Variants in GOLGA8B observed in about 807,000 individuals in gnomAD.
GOLGA8B encodes the protein golgin A8 family member B, also known as golgin subfamily A member 8B.
Under a neutral mutation model 15.6 loss-of-function variants are expected in GOLGA8B, and 1 was observed. The observed-to-expected ratio is 0.06, with a 90% CI of 0.02 to 0.30. GOLGA8B has a LOEUF of 0.30. Among genes scored for constraint, GOLGA8B ranks in the 10% least tolerant of loss-of-function variants. The probability of loss-of-function intolerance (pLI) is 1.00; values close to 1 mark genes in which losing one functional copy is unlikely to be tolerated. For synonymous variants in GOLGA8B, 9 were observed against 80.3 expected, an observed-to-expected ratio of 0.11 and a Z score of 4.75; for missense variants, 17 against 201.3, an observed-to-expected ratio of 0.08 and a Z score of 5.54.
At chr15:34,579,347 AC>A (rs1168804724) in intron 1 of GOLGA8B, among the ~76,000 whole-genome samples, 3 of 152,098 alleles carry the variant, frequency 2.0e-5, no homozygotes, top group Non-Finnish European at 4.4e-5. Context: ...ACAGAGTCTG[AC>A]ATTAGGTACA....
Position 34,531,957 on chromosome 15 carries a change from TTAC to T in GOLGA8B, c.324+1_324+3del. 2.5e-6 allele frequency: 1 copy of T among 398,744 alleles called. No homozygotes were observed. Among genetic ancestry groups the T allele is most frequent in the Non-Finnish European group, 4.6e-6 (1 of 216,552 alleles). The allele number at this position is 398,744 out of a possible 1,614,324, so 24.7% of individuals were successfully genotyped here. A position where few individuals can be genotyped will look rare whatever the true frequency, so the allele number is the denominator to read the frequency against. ...GTCGCCAGCAAACAAAGAAATCACG[TTAC>T]TTCTTCCAGCTGATGTTCCACTTGT... On this transcript the variant is annotated splice_donor_variant and splice_donor_region_variant and intron_variant, in intron 12 of 23. Coordinates refer to ENST00000683415, the MANE Select transcript of GOLGA8B (RefSeq NM_001023567.5). LOFTEE classifies it high-confidence loss of function.
intron 7 of GOLGA8B, among the ~76,000 whole-genome samples, chr15:34,543,261 C>T (rs1888240946): frequency 2.2e-5 from 3 of 137,718 alleles, no homozygotes; most frequent in South Asian, 4.9e-4. Context: ...GCAGCCCTGG[C>T]CTCCTGGGCT....
At chr15:34,576,899 CACTG>C (rs1363048980) in intron 1 of GOLGA8B, among the ~76,000 whole-genome samples, 4 of 152,194 alleles carry the variant, frequency 2.6e-5, no homozygotes, top group African/African-American at 9.7e-5. Context: ...CTGGTGACTG[CACTG>C]ACTGACTGCT....
chr15:34,572,197 T>C (rs866413911), intron 1 of GOLGA8B, among the ~76,000 whole-genome samples: 3 of 152,206 alleles, frequency 2.0e-5, no homozygotes, highest in African/African-American at 4.8e-5. Context: ...GGGACACCGC[T>C]GCCCCACACA....
At position 34,557,678 on chromosome 15, in the gene GOLGA8B, G is replaced by C. The variant is rs1239049389; in HGVS notation, c.-1122-3722C>G. ...TGTGTGTGTGTGTGTGTGTGTGTGT[G>C]TGTGTCTGTGTACTGAGAGCTTGGG... On this transcript the variant is annotated intron_variant, in intron 1 of 23. Coordinates refer to ENST00000683415, the MANE Select transcript of GOLGA8B (RefSeq NM_001023567.5). Among the ~76,000 whole-genome samples the C allele has an allele frequency of 4.6e-5, 5 of 108,302 alleles. No homozygotes were observed. In the East Asian group the frequency reaches 9.3e-4, roughly 20 times the overall value. 71.1% of individuals were successfully genotyped at this position (108,302 alleles called of 152,430 possible).
chr15:34,583,114 C>G (rs116271799), intron 1 of GOLGA8B, among the ~76,000 whole-genome samples: 4 of 152,188 alleles, frequency 2.6e-5, no homozygotes, highest in Non-Finnish European at 4.4e-5. Flanking sequence ...GACTTGATGC[C>G]GGCGTCAAGC....
At chr15:34,554,409 T>C (rs1237257248) in intron 1 of GOLGA8B, among the ~76,000 whole-genome samples, 4 of 147,358 alleles carry the variant, frequency 2.7e-5, no homozygotes, top group African/African-American at 1.0e-4. Context: ...ACCACACACA[T>C]ACCCCATACA....
At chr15:34,567,354 G>T (rs1389345537) in intron 1 of GOLGA8B, among the ~76,000 whole-genome samples, 1 of 150,376 alleles carries the variant, frequency 6.6e-6, no homozygotes, top group East Asian at 1.9e-4. Flanking sequence ...ATCACACTGG[G>T]GCGCCCCCTT....
intron 7 of GOLGA8B, among the ~76,000 whole-genome samples, chr15:34,543,430 C>T (rs1888246148): frequency 1.4e-5 from 2 of 139,186 alleles, no homozygotes; most frequent in Non-Finnish European, 1.6e-5. Context: ...TTGTCTCCAA[C>T]TCCTGGGCTT....
At chr15:34,576,048 C>T (rs1213313440) in intron 1 of GOLGA8B, among the ~76,000 whole-genome samples, 10 of 139,020 alleles carry the variant, frequency 7.2e-5, no homozygotes, top group Non-Finnish European at 1.1e-4. Context: ...AGGTGAATGA[C>T]GGGACGGGCA....
chr15:34,532,328 C>G lies in GOLGA8B; in HGVS notation c.286-329G>C, dbSNP rs1477211400. 3.4e-5 allele frequency among the ~76,000 whole-genome samples: 2 copies of G among 59,476 alleles called. 1 individual carries two copies. Among genetic ancestry groups the G allele is most frequent in the Admixed American group, 3.0e-4 (2 of 6,778 alleles). 39.0% of individuals were successfully genotyped at this position (59,476 alleles called of 152,430 possible). A position where few individuals can be genotyped will look rare whatever the true frequency, so the allele number is the denominator to read the frequency against. On this transcript the variant is annotated intron_variant, in intron 11 of 23. Transcript: ENST00000683415. The stretch of plus-strand genomic sequence containing the variant: ...TCATTCAATAGACATTTACTGAGCA[C>G]GTACGGGCCAGGGACGGTTCTTCAC...
chr15:34,574,106 C>T (rs950378035), intron 1 of GOLGA8B, among the ~76,000 whole-genome samples: 1 of 152,162 alleles, frequency 6.6e-6, no homozygotes. Context: ...AACAGTCTCT[C>T]ACCATCCCCA....
Position 34,525,756 on chromosome 15 carries a change from A to T in GOLGA8B, c.*1876T>A, listed in dbSNP as rs1358042306. 2.0e-5 allele frequency: 3 copies of T among 149,644 alleles called. No homozygotes were observed. The South Asian group carries it at 6.4e-4, about 32-fold the overall frequency. The allele number at this position is 149,644 out of a possible 1,614,324, so 9.3% of individuals were successfully genotyped here. On this transcript the variant is annotated 3_prime_UTR_variant, in exon 24 of 24. Transcript: ENST00000683415. ...AGTCAGTTGAAGTCACAAGGACCCAATATCTGCCCTCTTTCAGTGAATGCC... is the reference window on the plus strand; with the variant it reads ...AGTCAGTTGAAGTCACAAGGACCCATTATCTGCCCTCTTTCAGTGAATGCC...
chr15:34,570,655 TA>T (rs1317566895), intron 1 of GOLGA8B, among the ~76,000 whole-genome samples: 1 of 125,242 alleles, frequency 8.0e-6, no homozygotes, highest in Non-Finnish European at 1.7e-5. Context: ...GATTCTCCAA[TA>T]AAAAAATACG....
intron 7 of GOLGA8B, among the ~76,000 whole-genome samples, chr15:34,543,594 C>T (rs1468515998): frequency 9.6e-5 from 10 of 104,288 alleles, no homozygotes; most frequent in South Asian, 9.0e-4. Flanking sequence ...TGCTCCTGCT[C>T]GCTCAATTTT....
rs1264014479 is a variant in GOLGA8B, at chr15:34,562,561, G to T, written c.-1122-8605C>A. On this transcript the variant is annotated intron_variant, in intron 1 of 23. Coordinates refer to ENST00000683415, the MANE Select transcript of GOLGA8B (RefSeq NM_001023567.5). The stretch of plus-strand genomic sequence containing the variant: ...TAAGGAGCTATTTTGATACTCTTTT[G>T]TCCTCTCCCTAGCATGTCTTTTTTC... 3.1e-5 allele frequency among the ~76,000 whole-genome samples: 4 copies of T among 129,824 alleles called. 1 individual carries two copies. Among genetic ancestry groups the T allele is most frequent in the Non-Finnish European group, 5.4e-5 (3 of 56,046 alleles). The allele number at this position is 129,824 out of a possible 152,430, so 85.2% of individuals were successfully genotyped here.
At chr15:34,578,650 T>C (rs1394820463) in intron 1 of GOLGA8B, among the ~76,000 whole-genome samples, 1 of 152,164 alleles carries the variant, frequency 6.6e-6, no homozygotes. Flanking sequence ...GGGAAATTAT[T>C]TAAAATGACA....
At chr15:34,572,418 A>G (rs147611196) in intron 1 of GOLGA8B, among the ~76,000 whole-genome samples, 1 of 152,260 alleles carries the variant, frequency 6.6e-6, no homozygotes, top group Admixed American at 6.5e-5. Flanking sequence ...CAAAAGTTCA[A>G]TAAGTAAACA....
At chr15:34,576,934 C>T (rs985366488) in intron 1 of GOLGA8B, among the ~76,000 whole-genome samples, 3 of 152,006 alleles carry the variant, frequency 2.0e-5, no homozygotes, top group African/African-American at 7.2e-5. Context: ...AGAACAGTTG[C>T]ACACATCTCA....
Sources: gnomAD v4.1 joint callset for allele counts (sites outside exome capture counted in the v4.1 genomes callset) on GRCh38, gnomAD v4.1.1 for gene constraint, MANE v1.5 for transcripts, NCBI Gene and HGNC (gene_info 2026-07-23, HGNC 2026-07-21) for gene names.